Variants in SV2C observed in about 807,000 individuals in gnomAD.
The protein encoded by SV2C is solute carrier family 22 member B3.
A neutral mutation model predicts 79.7 loss-of-function variants in SV2C; 49 were observed. The observed-to-expected ratio is 0.61, with a 90% confidence interval of 0.49 to 0.78. SV2C has a LOEUF of 0.78. SV2C is among the 30% of genes least tolerant of loss of function. The pLI is 0.00. For synonymous variants in SV2C, 334 were observed against 333.2 expected (o/e 1.00, Z -0.03); for missense variants, 833 against 912.9 (o/e 0.91, Z 1.13).
At chr5:76,228,050 A>ATCTC (rs143825160) in intron 4 of SV2C, among the ~76,000 whole-genome samples, 12 of 148,104 alleles carry the variant, frequency 8.1e-5, no homozygotes, top group Admixed American at 2.0e-4. Context: ...CTTTCTCTCT[A>ATCTC]TCTCTCTCTC....
intron 1 of SV2C, among the ~76,000 whole-genome samples, chr5:76,094,868 G>T (rs1266374518): frequency 1.3e-5 from 2 of 152,068 alleles, no homozygotes; most frequent in African/African-American, 4.8e-5. Context: ...ATATGTGTTT[G>T]CAAATATTTC....
At chr5:76,305,079 T>C (rs1047456959) in intron 12 of SV2C, among the ~76,000 whole-genome samples, 4 of 151,444 alleles carry the variant, frequency 2.6e-5, no homozygotes, top group African/African-American at 7.3e-5. Context: ...CAAGGGGAGG[T>C]GCCACACACT....
intron 4 of SV2C, among the ~76,000 whole-genome samples, chr5:76,277,590 A>G (rs185748061): frequency 1.2e-4 from 19 of 152,206 alleles, no homozygotes; most frequent in East Asian, 1.9e-4. Flanking sequence ...TCTGGATAAT[A>G]TGGTGAAACT....
intron 9 of SV2C, among the ~76,000 whole-genome samples, chr5:76,298,532 A>G (rs1231861806): frequency 3.3e-5 from 5 of 152,192 alleles, no homozygotes; most frequent in Non-Finnish European, 7.4e-5. Flanking sequence ...TTTTACCAAC[A>G]TTACAAAAAG....
chr5:76,074,609 C>T, the SV2C span, among the ~76,000 whole-genome samples: 1 of 152,144 alleles, frequency 6.6e-6, no homozygotes, highest in Non-Finnish European at 1.5e-5. Flanking sequence ...AAAAGTATCT[C>T]TTGTGGGCAT....
chr5:76,309,599 CAAAA>C (rs769865757), intron 12 of SV2C, among the ~76,000 whole-genome samples: 8 of 18,712 alleles, frequency 4.3e-4, no homozygotes, highest in East Asian at 3.6e-3. Flanking sequence ...AACTCCATCT[CAAAA>C]AAAAAAAAAA....
chr5:76,258,635 G>A (rs777863015), intron 4 of SV2C, among the ~76,000 whole-genome samples: 1 of 152,194 alleles, frequency 6.6e-6, no homozygotes, highest in Non-Finnish European at 1.5e-5. Context: ...TTGTGGAAAT[G>A]TAATCTTGCT....
intron 4 of SV2C, chr5:76,281,397 T>TA (rs745421752): frequency 0.012 from 2,134 of 182,648 alleles, no homozygotes; most frequent in Middle Eastern, 0.027. Flanking sequence ...TTATGCAAAG[T>TA]AAAAAAAAAA....
At chr5:76,149,851 G>A (rs1447085306) in intron 2 of SV2C, among the ~76,000 whole-genome samples, 5 of 152,232 alleles carry the variant, frequency 3.3e-5, no homozygotes, top group African/African-American at 1.2e-4. Context: ...GCAGGGCACA[G>A]TGTGACTTGG....
At chr5:75,972,982 G>A in the SV2C span, among the ~76,000 whole-genome samples, 2 of 152,048 alleles carry the variant, frequency 1.3e-5, no homozygotes, top group Admixed American at 6.5e-5. Flanking sequence ...ATATACCATG[G>A]AATACTATGC....
intron 1 of SV2C, among the ~76,000 whole-genome samples, chr5:76,122,037 T>C (rs1057433257): frequency 2.6e-5 from 4 of 152,238 alleles, no homozygotes; most frequent in African/African-American, 9.6e-5. Context: ...GTATCTTCTT[T>C]TATTTCATTG....
the SV2C span, among the ~76,000 whole-genome samples, chr5:76,073,785 C>T: frequency 1.3e-5 from 2 of 151,890 alleles, no homozygotes; most frequent in Admixed American, 1.3e-4. Context: ...AAAGACTACA[C>T]ATTGGGTACA....
chr5:76,266,216 T>G (rs897648023), intron 4 of SV2C, among the ~76,000 whole-genome samples: 13 of 152,162 alleles, frequency 8.5e-5, no homozygotes, highest in African/African-American at 3.1e-4. Context: ...TTATTTTATT[T>G]TATTTTATTG....
the SV2C span, among the ~76,000 whole-genome samples, chr5:76,072,502 T>A: frequency 1.3e-5 from 2 of 152,180 alleles, no homozygotes; most frequent in African/African-American, 2.4e-5. Flanking sequence ...GGCAGGATGC[T>A]TTTCCCTAAT....
intron 2 of SV2C, among the ~76,000 whole-genome samples, chr5:76,148,681 T>C (rs1241597786): frequency 1.3e-5 from 2 of 152,202 alleles, no homozygotes; most frequent in African/African-American, 2.4e-5. Flanking sequence ...CTTGAACTCC[T>C]GGGCTCAAAT....
intron 1 of SV2C, among the ~76,000 whole-genome samples, chr5:76,128,029 C>T (rs1387121882): frequency 6.6e-6 from 1 of 152,156 alleles, no homozygotes; most frequent in Non-Finnish European, 1.5e-5. Context: ...GAATATATGT[C>T]AGATTCTGTC....
intron 1 of SV2C, among the ~76,000 whole-genome samples, chr5:76,123,828 GATAAAGTT>G (rs1419140562): frequency 2.6e-5 from 4 of 152,124 alleles, no homozygotes; most frequent in African/African-American, 9.7e-5. Flanking sequence ...CTAAACTTGT[GATAAAGTT>G]CTGTCCTATT....
At chr5:76,342,775 G>T (rs1749467139) in intron 12 of SV2C, among the ~76,000 whole-genome samples, 1 of 152,114 alleles carries the variant, frequency 6.6e-6, no homozygotes, top group Non-Finnish European at 1.5e-5. Flanking sequence ...TGAAAGGATT[G>T]AATAATATAA....
chr5:76,327,534 C>T lies in SV2C; in HGVS notation c.*1987C>T, dbSNP rs1442224796. 1 of 152,146 alleles carries T rather than the reference C, an allele frequency of 6.6e-6. No individual in the cohort carries two copies. The highest frequency in any genetic ancestry group is 1.5e-5 in the Non-Finnish European group (1 of 68,022). 9.4% of individuals were successfully genotyped at this position (152,146 alleles called of 1,614,324 possible). On this transcript the variant is annotated 3_prime_UTR_variant, in exon 13 of 13. Coordinates refer to ENST00000502798, the MANE Select transcript of SV2C (RefSeq NM_014979.4). Reference sequence around the variant, plus strand: ...TATGTTTTTCTTCTTCCACATGTACCCATTTTCCCACCTATCTCTCCCTGA... The same window carrying T: ...TATGTTTTTCTTCTTCCACATGTACTCATTTTCCCACCTATCTCTCCCTGA...
Sources: allele counts gnomAD v4.1 joint callset (sites outside exome capture counted in the v4.1 genomes callset), GRCh38; gene constraint gnomAD v4.1.1; transcripts MANE v1.5; gene names NCBI Gene and HGNC (gene_info 2026-07-23, HGNC 2026-07-21).